The following CDK19 variants were observed in gnomAD, a reference collection of about 807,000 sequenced individuals.
The protein encoded by CDK19 is cyclin dependent kinase 19.
CDK19 carries 20 observed loss-of-function variants against 68.3 expected under a neutral mutation model. That is an observed-to-expected ratio of 0.29 (90% confidence interval 0.21 to 0.43). The LOEUF is 0.43. CDK19 is among the 20% of genes least tolerant of loss of function. The pLI, the probability that CDK19 is intolerant of heterozygous loss-of-function variation, is 1.00. For synonymous variants in CDK19, 221 were observed against 222.8 expected (o/e 0.99, Z 0.07); for missense variants, 339 against 623.5 (o/e 0.54, Z 4.86).
At chr6:110,715,260 C>T (rs1435094550) in intron 2 of CDK19, among the ~76,000 whole-genome samples, 1 of 152,042 alleles carries the variant, frequency 6.6e-6, no homozygotes, top group African/African-American at 2.4e-5. Flanking sequence ...CCTAACATAC[C>T]TAAAAGTAGC....
intron 2 of CDK19, among the ~76,000 whole-genome samples, chr6:110,735,806 G>A (rs1777208867): frequency 6.6e-6 from 1 of 152,144 alleles, no homozygotes; most frequent in Non-Finnish European, 1.5e-5. Flanking sequence ...TGCCCTGACA[G>A]GCAACCACTT....
chr6:110,738,524 A>G (rs954735423), intron 2 of CDK19, among the ~76,000 whole-genome samples: 1 of 152,176 alleles, frequency 6.6e-6, no homozygotes, highest in South Asian at 2.1e-4. Context: ...TGTCTCAAAA[A>G]TAAATAAATA....
chr6:110,815,341 T>G lies in CDK19; in HGVS notation c.-205A>C. On this transcript the variant is annotated 5_prime_UTR_variant, in exon 1 of 13. Coordinates refer to ENST00000368911, the MANE Select transcript of CDK19 (RefSeq NM_015076.5). ...AGCAGCCACCTCCTCCACCTCTTCC[T>G]CCTCCTCCTCCGCGACGGCGGCGGC... is the stretch of plus-strand genomic sequence containing the variant. The G allele has an allele frequency of 1.5e-5, 6 of 402,308 alleles. No individual in the cohort carries two copies. The highest frequency in any genetic ancestry group is 4.3e-5 in the East Asian group (1 of 23,328). 24.9% of individuals were successfully genotyped at this position (402,308 alleles called of 1,614,324 possible).
At chr6:110,654,793 T>C (rs888748847) in intron 4 of CDK19, among the ~76,000 whole-genome samples, 1 of 151,878 alleles carries the variant, frequency 6.6e-6, no homozygotes, top group African/African-American at 2.4e-5. Flanking sequence ...ATACAAAAAA[T>C]TAGCGTGCAT....
At chr6:110,660,026 G>C (rs1211452465) in intron 4 of CDK19, among the ~76,000 whole-genome samples, 1 of 152,158 alleles carries the variant, frequency 6.6e-6, no homozygotes, top group African/African-American at 2.4e-5. Flanking sequence ...TTTAGAGACA[G>C]GGTCTATGTT....
chr6:110,698,163 T>C (rs554758815), intron 2 of CDK19, among the ~76,000 whole-genome samples: 14 of 151,974 alleles, frequency 9.2e-5, no homozygotes, highest in African/African-American at 3.1e-4. Context: ...AATAAACAAA[T>C]GGGACCTGAT....
chr6:110,783,984 A>AC (rs1355010219), intron 1 of CDK19, among the ~76,000 whole-genome samples: 1 of 151,778 alleles, frequency 6.6e-6, no homozygotes, highest in Non-Finnish European at 1.5e-5. Context: ...ACATGGTGAA[A>AC]CCCCATCTCT....
In CDK19 at chr6:110,746,117, T is replaced by TCCA; in HGVS notation, c.204+6_204+8dup. ...AATAAAATAAATAACTGTATTTGTATCCACTTACTGCAATCTCTCTACAAG... is the reference window on the plus strand; with the variant it reads ...AATAAAATAAATAACTGTATTTGTATCCACCACTTACTGCAATCTCTCTACAAG... On this transcript the variant is annotated intron_variant, in intron 2 of 12. Coordinates refer to ENST00000368911, the MANE Select transcript of CDK19 (RefSeq NM_015076.5). 6.7e-7 allele frequency: 1 copy of TCCA among 1,496,626 alleles called. No homozygotes were observed. Among genetic ancestry groups the TCCA allele is most frequent in the Non-Finnish European group, 9.1e-7 (1 of 1,097,460 alleles). 92.7% of individuals were successfully genotyped at this position (1,496,626 alleles called of 1,614,324 possible).
chr6:110,648,272 G>A (rs1471157086), intron 4 of CDK19, among the ~76,000 whole-genome samples: 1 of 152,174 alleles, frequency 6.6e-6, no homozygotes, highest in Non-Finnish European at 1.5e-5. Context: ...ATTATTTGCA[G>A]ATGCTATAAT....
chr6:110,764,997 A>G (rs972824883), intron 1 of CDK19, among the ~76,000 whole-genome samples: 1 of 150,532 alleles, frequency 6.6e-6, no homozygotes, highest in East Asian at 1.9e-4. Flanking sequence ...TTTAGGGGAT[A>G]ACATAGAAGA....
At chr6:110,734,524 T>C (rs751391968) in intron 2 of CDK19, among the ~76,000 whole-genome samples, 3 of 127,532 alleles carry the variant, frequency 2.4e-5, no homozygotes, top group African/African-American at 3.1e-5. Context: ...AGCACTGCTC[T>C]CTCTCTCTCT....
chr6:110,715,331 T>C (rs111586546), intron 2 of CDK19, among the ~76,000 whole-genome samples: 5 of 152,330 alleles, frequency 3.3e-5, no homozygotes, highest in African/African-American at 1.2e-4. Context: ...AAAAATAACT[T>C]GGTCATTTAA....
chr6:110,734,561 C>CTCTCTCTCTCTCTCTCTCTCT (rs11272371), intron 2 of CDK19, among the ~76,000 whole-genome samples: 12 of 146,476 alleles, frequency 8.2e-5, no homozygotes, highest in Middle Eastern at 3.5e-3. Context: ...CTCTCTCTCT[C>CTCTCTCTCTCTCTCTCTCTCT]ATGTCTGGGC....
At chr6:110,688,478 G>A (rs530581557) in intron 2 of CDK19, among the ~76,000 whole-genome samples, 4 of 152,148 alleles carry the variant, frequency 2.6e-5, no homozygotes, top group East Asian at 3.9e-4. Flanking sequence ...AAGAAGCAAC[G>A]CAGGAACTTA....
intron 3 of CDK19, among the ~76,000 whole-genome samples, chr6:110,670,050 A>C (rs548610554): frequency 1.3e-5 from 2 of 151,998 alleles, no homozygotes; most frequent in South Asian, 4.1e-4. Context: ...CCAGCTACTA[A>C]AGAGGCTGAG....
chr6:110,800,465 T>A (rs1221810143), intron 1 of CDK19, among the ~76,000 whole-genome samples: 2 of 152,106 alleles, frequency 1.3e-5, no homozygotes, highest in African/African-American at 4.8e-5. Context: ...GAAACCAGTA[T>A]CATCCTGATA....
chr6:110,803,005 A>C (rs934034697), intron 1 of CDK19, among the ~76,000 whole-genome samples: 1 of 152,212 alleles, frequency 6.6e-6, no homozygotes, highest in African/African-American at 2.4e-5. Flanking sequence ...CTTAAACAGA[A>C]ATGGTTAACA....
At chr6:110,631,990 G>C (rs769617854) in intron 6 of CDK19, 40 bp downstream of exon 6, 1 of 1,544,936 alleles carries the variant, frequency 6.5e-7, no homozygotes, top group Non-Finnish European at 8.8e-7. Flanking sequence ...ATTTATGATC[G>C]TTAGATGACA....
At chr6:110,798,581 C>T (rs1009387925) in intron 1 of CDK19, among the ~76,000 whole-genome samples, 2 of 142,558 alleles carry the variant, frequency 1.4e-5, no homozygotes, top group Admixed American at 7.4e-5. Context: ...GCCAAGATCG[C>T]GACATCGCAC....
Sources: allele counts gnomAD v4.1 joint callset (sites outside exome capture counted in the v4.1 genomes callset), GRCh38; gene constraint gnomAD v4.1.1; transcripts MANE v1.5; gene names NCBI Gene and HGNC (gene_info 2026-07-23, HGNC 2026-07-21).